Variants in TENM3 observed in about 807,000 individuals in gnomAD.
The protein encoded by TENM3 is teneurin-3.
TENM3 carries 63 observed loss-of-function variants against 255.1 expected under a neutral mutation model. That is an observed-to-expected ratio of 0.25 (90% CI 0.20 to 0.30). The LOEUF is 0.30. Among genes scored for constraint, TENM3 ranks in the 10% least tolerant of loss-of-function variants. The probability of loss-of-function intolerance (pLI) is 1.00; values close to 1 mark genes in which losing one functional copy is unlikely to be tolerated. For synonymous variants in TENM3, 1,306 were observed against 1,322.3 expected, an observed-to-expected ratio of 0.99 and a Z score of 0.27; for missense variants, 2,929 against 3,461.1, an observed-to-expected ratio of 0.85 and a Z score of 3.86.
At chr4:182,761,666 ATTTTCC>A (rs1259366879) in intron 22 of TENM3, among the ~76,000 whole-genome samples, 11 of 152,038 alleles carry the variant, frequency 7.2e-5, no homozygotes, top group African/African-American at 2.2e-4. Context: ...CACCTGCTTT[ATTTTCC>A]TTTTCCTTTT....
chr4:181,774,897 A>T, the TENM3 span, among the ~76,000 whole-genome samples: 2 of 131,078 alleles, frequency 1.5e-5, no homozygotes, highest in Admixed American at 7.6e-5. Flanking sequence ...GTTTGAGTTC[A>T]TTGTAGATTC....
chr4:181,827,502 G>C, the TENM3 span, among the ~76,000 whole-genome samples: 1 of 152,148 alleles, frequency 6.6e-6, no homozygotes, highest in Admixed American at 6.5e-5. Flanking sequence ...GCGCTTTTCT[G>C]CTAAAATGCC....
intron 3 of TENM3, among the ~76,000 whole-genome samples, chr4:182,526,272 G>A (rs1219182823): frequency 6.6e-6 from 1 of 151,922 alleles, no homozygotes; most frequent in Non-Finnish European, 1.5e-5. Flanking sequence ...GAGCCACCGC[G>A]CCCAGCTACA....
chr4:182,712,399 T>C (rs756994630), intron 12 of TENM3, among the ~76,000 whole-genome samples: 1 of 151,492 alleles, frequency 6.6e-6, no homozygotes, highest in Non-Finnish European at 1.5e-5. Context: ...CACCTCCTTG[T>C]CAGTGGGGCA....
upstream of TENM3, among the ~76,000 whole-genome samples, chr4:182,241,520 T>TTCTTTC (rs1405029874): frequency 7.2e-6 from 1 of 139,208 alleles, no homozygotes; most frequent in African/African-American, 2.8e-5. Context: ...TTTTCTTTCT[T>TTCTTTC]TTTTTTTTTT....
intron 1 of TENM3, among the ~76,000 whole-genome samples, chr4:182,192,532 T>C (rs560869038): frequency 6.6e-6 from 1 of 152,336 alleles, no homozygotes. Context: ...ACAGTGAACG[T>C]CAACAGAGAA....
the TENM3 span, among the ~76,000 whole-genome samples, chr4:181,580,612 G>A: frequency 2.0e-5 from 3 of 152,236 alleles, no homozygotes; most frequent in Admixed American, 1.3e-4. Context: ...TTTCTAGGAC[G>A]AAGGAGAAAC....
chr4:181,652,412 C>T, the TENM3 span, among the ~76,000 whole-genome samples: 1 of 152,214 alleles, frequency 6.6e-6, no homozygotes, highest in Non-Finnish European at 1.5e-5. Context: ...GTGTCTCCTT[C>T]TTAATCAAGA....
chr4:182,721,044 A>C (rs1759684562), intron 13 of TENM3, among the ~76,000 whole-genome samples: 1 of 152,084 alleles, frequency 6.6e-6, no homozygotes, highest in South Asian at 2.1e-4. Context: ...CTGGGATTAC[A>C]GGCGTGAGCC....
intron 3 of TENM3, among the ~76,000 whole-genome samples, chr4:182,480,928 A>T (rs1734134602): frequency 6.6e-6 from 1 of 152,090 alleles, no homozygotes; most frequent in African/African-American, 2.4e-5. Context: ...GAGTCATTTT[A>T]TTGAGTTTGA....
the TENM3 span, among the ~76,000 whole-genome samples, chr4:181,650,338 C>T: frequency 2.0e-5 from 3 of 152,166 alleles, no homozygotes; most frequent in African/African-American, 7.2e-5. Context: ...ATAAACAAAG[C>T]ATGTAGAAAG....
chr4:181,556,200 C>T, the TENM3 span, among the ~76,000 whole-genome samples: 2 of 152,064 alleles, frequency 1.3e-5, no homozygotes, highest in African/African-American at 2.4e-5. Flanking sequence ...TTTGTATTTT[C>T]TTCCTTAAGA....
chr4:182,405,256 A>T (rs150299156), intron 3 of TENM3, among the ~76,000 whole-genome samples: 2 of 152,170 alleles, frequency 1.3e-5, no homozygotes. Flanking sequence ...GCTACAATCT[A>T]TCGCTTCTCC....
At chr4:182,359,530 A>G (rs934832607) in intron 3 of TENM3, among the ~76,000 whole-genome samples, 2 of 150,334 alleles carry the variant, frequency 1.3e-5, no homozygotes. Flanking sequence ...GTATTCTCTG[A>G]TGGTAGTTTG....
intron 3 of TENM3, among the ~76,000 whole-genome samples, chr4:182,561,162 A>G (rs1396893583): frequency 1.3e-5 from 2 of 152,162 alleles, no homozygotes; most frequent in Non-Finnish European, 2.9e-5. Flanking sequence ...AGACAAACTA[A>G]GACTCAAAAC....
At chr4:182,319,089 T>A (rs1222636625) in intron 1 of TENM3, among the ~76,000 whole-genome samples, 1 of 152,210 alleles carries the variant, frequency 6.6e-6, no homozygotes, top group East Asian at 1.9e-4. Context: ...TTCTTTTGTT[T>A]GTTTTTTTGT....
At chr4:182,554,925 T>C (rs1742432873) in intron 3 of TENM3, among the ~76,000 whole-genome samples, 1 of 150,710 alleles carries the variant, frequency 6.6e-6, no homozygotes, top group East Asian at 1.9e-4. Flanking sequence ...AAAGCCAGAG[T>C]AGTGAGCAGC....
At chr4:182,149,038 A>G (rs924671146) in intron 1 of TENM3, among the ~76,000 whole-genome samples, 4 of 151,980 alleles carry the variant, frequency 2.6e-5, no homozygotes, top group Admixed American at 2.0e-4. Flanking sequence ...CTAAAGAAAG[A>G]TGTAACTGCT....
the TENM3 span, among the ~76,000 whole-genome samples, chr4:182,124,649 G>T: frequency 2.6e-5 from 4 of 152,284 alleles, no homozygotes; most frequent in Non-Finnish European, 5.9e-5. Flanking sequence ...GGAGAGAACG[G>T]TGTCCAGAAA....
Sources: gnomAD v4.1 joint callset for allele counts (sites outside exome capture counted in the v4.1 genomes callset) on GRCh38, gnomAD v4.1.1 for gene constraint, MANE v1.5 for transcripts, NCBI Gene and HGNC (gene_info 2026-07-23, HGNC 2026-07-21) for gene names.